The following PCDHA4 variants were observed in gnomAD, a reference collection of about 807,000 sequenced individuals.
PCDHA4 encodes protocadherin alpha-4.
A neutral mutation model predicts 61.4 loss-of-function variants in PCDHA4; 49 were observed. The ratio of observed to expected loss-of-function variants is 0.80; its 90% CI spans 0.63 to 1.01. The LOEUF (loss-of-function observed/expected upper bound fraction) is 1.01, where lower values mean the gene tolerates loss of function less well. Among genes scored for constraint, PCDHA4 ranks in the 50% least tolerant of loss-of-function variants. PCDHA4 has a pLI of 0.00. For missense variants in PCDHA4, 1,254 were observed against 1,235.8 expected (o/e 1.01, Z -0.22); for synonymous variants, 590 against 550.3 (o/e 1.07, Z -1.01).
intron 1 of PCDHA4, among the ~76,000 whole-genome samples, chr5:140,893,662 A>C (rs1462433571): frequency 6.6e-6 from 1 of 152,204 alleles, no homozygotes; most frequent in Non-Finnish European, 1.5e-5. Flanking sequence ...GTTTTAAAAA[A>C]TTTCAGCACT....
intron 1 of PCDHA4, chr5:140,928,543 A>G: frequency 6.2e-7 from 1 of 1,614,204 alleles, no homozygotes; most frequent in Non-Finnish European, 8.5e-7. Context: ...TAGGAATGAC[A>G]ATTATCCGGT....
chr5:140,920,129 A>T lies in PCDHA4; in HGVS notation c.2386-58820A>T, dbSNP rs369489887. Among the ~76,000 whole-genome samples, 8 of 152,262 alleles carry T rather than the reference A, an allele frequency of 5.3e-5. No homozygotes were observed. The South Asian group carries it at 1.7e-3, about 32-fold the overall frequency. ...CAACCTTGCCAACATCTTGAGTTTT[A>T]ATTCTCCTCTCCAAACCTGGGAGAA... On this transcript the variant is annotated intron_variant, in intron 1 of 3. Transcript: ENST00000530339.
chr5:140,985,163 T>G (rs1045171380), intron 3 of PCDHA4, among the ~76,000 whole-genome samples: 7 of 152,096 alleles, frequency 4.6e-5, no homozygotes, highest in South Asian at 2.1e-4. Flanking sequence ...TGTCTCAATC[T>G]CCTGACCTCG....
At chr5:140,849,831 GC>G in intron 1 of PCDHA4, 1 of 1,598,564 alleles carries the variant, frequency 6.3e-7, no homozygotes, top group Non-Finnish European at 8.6e-7. Context: ...TGTGGAGGTG[GC>G]CGACGTGAAC....
chr5:140,828,871 A>G, intron 1 of PCDHA4: 1 of 1,614,250 alleles, frequency 6.2e-7, no homozygotes. Flanking sequence ...ACGGAACAAC[A>G]GTTATCAGAC....
chr5:140,882,996 A>G lies in PCDHA4; in HGVS notation c.2385+73424A>G, dbSNP rs782381110. On this transcript the variant is annotated intron_variant, in intron 1 of 3. Transcript: ENST00000530339. The stretch of plus-strand genomic sequence containing the variant: ...GTGAATGACAACGCCCCGGAATTTT[A>G]CCAATCCGTTTATAAAGTGACGGTG... 2.9e-5 allele frequency: 46 copies of G among 1,614,024 alleles called. No individual in the cohort carries two copies. The Middle Eastern group carries it at 4.9e-4, about 17-fold the overall frequency.
intron 1 of PCDHA4, chr5:140,835,707 T>C: frequency 6.2e-7 from 1 of 1,613,858 alleles, no homozygotes; most frequent in Non-Finnish European, 8.5e-7. Context: ...TGCTAGCGTG[T>C]CCGTGGAGGT....
intron 1 of PCDHA4, chr5:140,927,843 CTT>C (rs1563097902): frequency 4.3e-6 from 7 of 1,614,186 alleles, no homozygotes; most frequent in African/African-American, 2.7e-5. Flanking sequence ...ACGAAGGTGT[CTT>C]TGGTTTAGCT....
intron 1 of PCDHA4, chr5:140,868,717 A>G (rs1420363814): frequency 5.3e-6 from 1 of 189,344 alleles, no homozygotes; most frequent in African/African-American, 2.4e-5. Context: ...AATAATTTAA[A>G]TTTGATGTTA....
chr5:140,973,167 C>A (rs554202231), intron 1 of PCDHA4, among the ~76,000 whole-genome samples: 44 of 152,284 alleles, frequency 2.9e-4, no homozygotes, highest in Admixed American at 2.4e-3. Context: ...TTTGTAGTCA[C>A]CAAACCTTCA....
intron 3 of PCDHA4, among the ~76,000 whole-genome samples, chr5:140,986,070 A>G (rs1554247713): frequency 6.6e-6 from 1 of 152,126 alleles, no homozygotes; most frequent in African/African-American, 2.4e-5. Flanking sequence ...TTTTAAAGAA[A>G]CTGTTCATTT....
chr5:140,850,376 C>G (rs2041562813), intron 1 of PCDHA4: 1 of 1,597,960 alleles, frequency 6.3e-7, no homozygotes, highest in Non-Finnish European at 8.6e-7. Flanking sequence ...TGGGGCTGTA[C>G]ACGGGCGAGA....
chr5:140,925,447 T>G (rs2153577798), intron 1 of PCDHA4, among the ~76,000 whole-genome samples: 1 of 152,154 alleles, frequency 6.6e-6, no homozygotes, highest in Non-Finnish European at 1.5e-5. Context: ...AGAATTTGGG[T>G]GTATCTGTTG....
chr5:140,932,875 T>G (rs935730456), intron 1 of PCDHA4, among the ~76,000 whole-genome samples: 9 of 151,998 alleles, frequency 5.9e-5, no homozygotes, highest in African/African-American at 1.7e-4. Flanking sequence ...TTTGTTGTCT[T>G]CAATATTTTC....
In PCDHA4 at chr5:140,836,671, G is replaced by T. The variant is rs146098956; in HGVS notation, c.2385+27099G>T. Reference sequence around the variant, plus strand: ...CGGCAGAGGGTGTGCTCTGGGGAGGGCCCACCCAAGACAGACCTCATGGCC... The same window carrying T: ...CGGCAGAGGGTGTGCTCTGGGGAGGTCCCACCCAAGACAGACCTCATGGCC... On this transcript the variant is annotated intron_variant, in intron 1 of 3. Transcript: ENST00000530339. 4.3e-6 allele frequency: 7 copies of T among 1,613,400 alleles called. 1 individual carries two copies. The highest frequency in any genetic ancestry group is 5.9e-6 in the Non-Finnish European group (7 of 1,179,594).
intron 1 of PCDHA4, among the ~76,000 whole-genome samples, chr5:140,832,044 G>A (rs184906141): frequency 2.0e-4 from 31 of 152,258 alleles, no homozygotes; most frequent in African/African-American, 6.3e-4. Flanking sequence ...TCATAGTGAG[G>A]CCATAATTAC....
intron 1 of PCDHA4, among the ~76,000 whole-genome samples, chr5:140,922,064 T>C (rs2080596272): frequency 6.6e-6 from 1 of 152,054 alleles, no homozygotes; most frequent in Non-Finnish European, 1.5e-5. Flanking sequence ...AATGTAGCAA[T>C]CCCACTAAGC....
chr5:140,926,959 G>C (rs781794027), intron 1 of PCDHA4: 23 of 1,603,904 alleles, frequency 1.4e-5, no homozygotes, highest in Non-Finnish European at 1.9e-5. Context: ...GGGACAGCTC[G>C]AGTACTCAGT....
intron 3 of PCDHA4, among the ~76,000 whole-genome samples, chr5:140,998,872 T>C (rs1159101161): frequency 6.6e-6 from 1 of 152,202 alleles, no homozygotes; most frequent in African/African-American, 2.4e-5. Flanking sequence ...TTGTAAATAA[T>C]AAGTTTAGTT....
Sources: gnomAD v4.1 joint callset for allele counts (sites outside exome capture counted in the v4.1 genomes callset) on GRCh38, gnomAD v4.1.1 for gene constraint, MANE v1.5 for transcripts, NCBI Gene and HGNC (gene_info 2026-07-23, HGNC 2026-07-21) for gene names.